The following ASAP1 variants were observed in gnomAD, a reference collection of about 807,000 sequenced individuals.
ASAP1 encodes arf-GAP with SH3 domain, ANK repeat and PH domain-containing protein 1.
In ASAP1, 43 loss-of-function variants were observed where a neutral mutation model predicts 145.2. The observed-to-expected ratio is 0.30, with a 90% CI of 0.23 to 0.38. The LOEUF (loss-of-function observed/expected upper bound fraction) is 0.38. Ranked by LOEUF, ASAP1 falls within the 10% of genes least tolerant of loss-of-function variation. The pLI is 1.00. For synonymous variants in ASAP1, 546 were observed against 515.5 expected (o/e 1.06, Z -0.80); for missense variants, 1,018 against 1,355.3 (o/e 0.75, Z 3.91).
intron 3 of ASAP1, among the ~76,000 whole-genome samples, chr8:130,244,279 G>A (rs1490931368): frequency 6.6e-6 from 1 of 152,168 alleles, no homozygotes; most frequent in African/African-American, 2.4e-5. Flanking sequence ...GGTGGTTTCA[G>A]TTAAACTGGC....
intron 1 of ASAP1, among the ~76,000 whole-genome samples, chr8:130,424,127 A>G (rs1046022589): frequency 5.6e-4 from 85 of 152,352 alleles, no homozygotes; most frequent in African/African-American, 1.9e-3. Context: ...AACAAAAGAA[A>G]CTATAAAAGG....
At chr8:130,206,794 T>C (rs1254420186) in intron 5 of ASAP1, among the ~76,000 whole-genome samples, 1 of 151,950 alleles carries the variant, frequency 6.6e-6, no homozygotes, top group Non-Finnish European at 1.5e-5. Flanking sequence ...CCTCTGTCCA[T>C]TGAGAATCTA....
At chr8:130,260,341 T>G (rs1819818739) in intron 3 of ASAP1, among the ~76,000 whole-genome samples, 1 of 152,190 alleles carries the variant, frequency 6.6e-6, no homozygotes, top group Non-Finnish European at 1.5e-5. Flanking sequence ...TCTTCTCTTA[T>G]ACTCACTGCA....
At chr8:130,102,459 G>C (rs1486419557) in intron 24 of ASAP1, among the ~76,000 whole-genome samples, 1 of 152,134 alleles carries the variant, frequency 6.6e-6, no homozygotes, top group Non-Finnish European at 1.5e-5. Context: ...ACTTCATCAT[G>C]GTTTATTATC....
chr8:130,199,019 C>G (rs536149522), intron 5 of ASAP1, among the ~76,000 whole-genome samples: 1 of 152,320 alleles, frequency 6.6e-6, no homozygotes, highest in East Asian at 1.9e-4. Context: ...TTTACTCTGT[C>G]TGGAACACTC....
At chr8:130,301,847 C>T (rs1486183159) in intron 3 of ASAP1, among the ~76,000 whole-genome samples, 1 of 152,214 alleles carries the variant, frequency 6.6e-6, no homozygotes. Context: ...ATGTTTACCA[C>T]TAAGGATGTC....
chr8:130,111,212 A>G (rs1194866896), intron 24 of ASAP1, among the ~76,000 whole-genome samples: 1 of 127,960 alleles, frequency 7.8e-6, no homozygotes, highest in Non-Finnish European at 1.8e-5. Context: ...ATCTCTACCA[A>G]AAAAAAAAAA....
rs895180554 is a variant in ASAP1 at position 130,115,493 on chromosome 8, G to C, written c.2172+135C>G. On this transcript the variant is annotated intron_variant, in intron 23 of 29. Transcript: ENST00000518721. ...TGTTAAATGGTGCCCAATAAGGACT[G>C]AACAACATAAATGGCCCTGATACAT... The C allele has an allele frequency of 5.6e-6, 4 of 718,688 alleles. No individual in the cohort carries two copies. In the African/African-American group the frequency reaches 7.0e-5, roughly 13 times the overall value. The allele number at this position is 718,688 out of a possible 1,614,324, so 44.5% of individuals were successfully genotyped here.
chr8:130,186,913 G>A (rs907753279), intron 7 of ASAP1, among the ~76,000 whole-genome samples: 1 of 152,092 alleles, frequency 6.6e-6, no homozygotes, highest in African/African-American at 2.4e-5. Context: ...AAACATAAAT[G>A]GTCCATAATT....
intron 3 of ASAP1, among the ~76,000 whole-genome samples, chr8:130,340,294 G>C (rs1257565393): frequency 2.6e-5 from 4 of 152,188 alleles, no homozygotes; most frequent in Admixed American, 2.6e-4. Flanking sequence ...CTGAGAGGAA[G>C]AAGACAGGGC....
At chr8:130,437,823 C>A (rs1830366984) in intron 1 of ASAP1, among the ~76,000 whole-genome samples, 1 of 152,210 alleles carries the variant, frequency 6.6e-6, no homozygotes, top group African/African-American at 2.4e-5. Context: ...CTGCGTAACT[C>A]CCACCACAGC....
chr8:130,419,955 CT>C (rs565548652), intron 1 of ASAP1, among the ~76,000 whole-genome samples: 2,995 of 130,558 alleles, frequency 0.023, 68 homozygotes, highest in African/African-American at 0.066. Context: ...CCTTCTTCTT[CT>C]TTTTTTTTTT....
At chr8:130,416,578 C>G (rs373963043) in intron 1 of ASAP1, among the ~76,000 whole-genome samples, 1 of 152,198 alleles carries the variant, frequency 6.6e-6, no homozygotes. Context: ...CTGGGGGCTG[C>G]TGTAAACTAG....
intron 3 of ASAP1, among the ~76,000 whole-genome samples, chr8:130,248,940 A>G (rs1233444927): frequency 2.0e-5 from 3 of 152,006 alleles, no homozygotes; most frequent in Non-Finnish European, 4.4e-5. Flanking sequence ...GTTGCTTTCT[A>G]TTTTTTAGAA....
At chr8:130,324,332 C>A (rs767549629) in intron 3 of ASAP1, among the ~76,000 whole-genome samples, 1 of 152,126 alleles carries the variant, frequency 6.6e-6, no homozygotes, top group African/African-American at 2.4e-5. Context: ...AACAGCAGGT[C>A]TGGGAGTATG....
intron 12 of ASAP1, among the ~76,000 whole-genome samples, chr8:130,156,375 C>T (rs2097658241): frequency 6.6e-6 from 1 of 152,234 alleles, no homozygotes. Context: ...CACCTGACTT[C>T]CAACCTCCTT....
At chr8:130,411,465 T>A (rs1170449418) in intron 1 of ASAP1, among the ~76,000 whole-genome samples, 1 of 152,216 alleles carries the variant, frequency 6.6e-6, no homozygotes, top group Non-Finnish European at 1.5e-5. Context: ...GTTTCCTGCC[T>A]GATAACATGC....
At chr8:130,331,065 A>T (rs1414469030) in intron 3 of ASAP1, among the ~76,000 whole-genome samples, 1 of 152,158 alleles carries the variant, frequency 6.6e-6, no homozygotes, top group African/African-American at 2.4e-5. Flanking sequence ...AGGGAATAAG[A>T]TTACTTCCCA....
chr8:130,373,105 TACATATAC>T lies in ASAP1; in HGVS notation c.60-14970_60-14963del, dbSNP rs1182785588. 1.7e-3 allele frequency among the ~76,000 whole-genome samples: 32 copies of T among 18,458 alleles called. 1 individual carries two copies. The highest frequency in any genetic ancestry group is 0.013 in the African/African-American group (32 of 2,478). The allele number at this position is 18,458 out of a possible 152,430, so 12.1% of individuals were successfully genotyped here. ...AGACACCCCCCCACACACACAGAAA[TACATATAC>T]ACACACACACACACACACACACACA... On this transcript the variant is annotated intron_variant, in intron 2 of 29. Transcript: ENST00000518721.
Sources: gnomAD v4.1 joint callset for allele counts (sites outside exome capture counted in the v4.1 genomes callset) on GRCh38, gnomAD v4.1.1 for gene constraint, MANE v1.5 for transcripts, NCBI Gene and HGNC (gene_info 2026-07-23, HGNC 2026-07-21) for gene names.